DEPDC7: variants seen among roughly 807,000 people sequenced by gnomAD.
DEPDC7 encodes DEP domain-containing protein 7.
A neutral mutation model predicts 56.6 loss-of-function variants in DEPDC7; 41 were observed. The ratio of observed to expected loss-of-function variants is 0.72; its 90% CI spans 0.56 to 0.94. DEPDC7 has a LOEUF of 0.94. Among genes scored for constraint, DEPDC7 ranks in the 40% least tolerant of loss-of-function variants. The pLI is 0.00. For missense variants in DEPDC7, 522 were observed against 596.3 expected (o/e 0.88, Z 1.30); for synonymous variants, 185 against 208.8 (o/e 0.89, Z 0.98).
Position 33,025,681 on chromosome 11 carries a change from A to G in DEPDC7, c.96A>G (p.Pro32=), listed in dbSNP as rs1338411194. Residue 32 remains proline, a synonymous_variant, in exon 2 of 9, where the codon CCA becomes CCG. Coordinates refer to ENST00000241051, the MANE Select transcript of DEPDC7 (RefSeq NM_001077242.2). The part of the protein sequence containing the change: ...RPPGFSVAQK[P]FGATYVWSSI... ...TAGGTTTCAGTGTAGCTCAGAAGCC[A>G]TTTGGAGCCACGTATGTATGGAGCA... 2 of 1,608,192 alleles carry G rather than the reference A, an allele frequency of 1.2e-6. No homozygotes were observed. Among genetic ancestry groups the G allele is most frequent in the African/African-American group, 1.3e-5 (1 of 74,808 alleles).
intron 2 of DEPDC7, chr11:33,026,689 T>C (rs1853581445): frequency 6.5e-6 from 1 of 153,974 alleles, no homozygotes; most frequent in African/African-American, 2.4e-5. Context: ...GCTCACTGCA[T>C]TGTCTGCCTT....
intron 1 of DEPDC7, among the ~76,000 whole-genome samples, chr11:33,024,576 A>G (rs1041583694): frequency 2.6e-5 from 4 of 152,180 alleles, no homozygotes; most frequent in African/African-American, 9.7e-5. Context: ...CCTGCTACAC[A>G]CCTAGGCTAT....
intron 1 of DEPDC7, among the ~76,000 whole-genome samples, chr11:33,021,449 A>G (rs1173066668): frequency 6.6e-6 from 1 of 152,184 alleles, no homozygotes; most frequent in Non-Finnish European, 1.5e-5. Context: ...TTTAGAAATC[A>G]CAGTAAGTCA....
Position 33,015,899 on chromosome 11 carries a change from A to G in DEPDC7, c.-57A>G, listed in dbSNP as rs1371118385. The G allele has an allele frequency of 1.3e-6, 2 of 1,505,670 alleles. No individual in the cohort carries two copies. The highest frequency in any genetic ancestry group is 2.1e-5 in the Admixed American group (1 of 48,218). 93.3% of individuals were successfully genotyped at this position (1,505,670 alleles called of 1,614,324 possible). On this transcript the variant is annotated 5_prime_UTR_variant, in exon 1 of 9. Transcript: ENST00000241051. Reference sequence around the variant, plus strand: ...CCGCACAGTTAACAGACGGGCGCTCAGGGAGCTAGGGAGCTGTGAAGCTGC... The same window carrying G: ...CCGCACAGTTAACAGACGGGCGCTCGGGGAGCTAGGGAGCTGTGAAGCTGC...
At chr11:33,027,984 A>G in intron 3 of DEPDC7, 171 bp downstream of exon 3, 1 of 595,372 alleles carries the variant, frequency 1.7e-6, no homozygotes, top group East Asian at 3.6e-5. Context: ...TATCTTTAAC[A>G]AATAGATCAG....
chr11:33,032,538 A>G (rs1853644074), intron 6 of DEPDC7, 60 bp downstream of exon 6: 2 of 1,456,006 alleles, frequency 1.4e-6, no homozygotes, highest in South Asian at 2.8e-5. Flanking sequence ...CAGGTTAAGT[A>G]TTAGATTATT....
Position 33,031,567 on chromosome 11 carries a change from TA to T in DEPDC7, c.974del (p.Asn325MetfsTer7). 6.2e-7 allele frequency: 1 copy of T among 1,613,352 alleles called. No homozygotes were observed. Among genetic ancestry groups the T allele is most frequent in the Non-Finnish European group, 8.5e-7 (1 of 1,179,246 alleles). On this transcript the variant is annotated frameshift_variant, in exon 5 of 9. Transcript: ENST00000241051. LOFTEE classifies it high-confidence loss of function. ...TGTTAAATCACTTATCTGACGTTCA[TA>T]ATGGAATTGCAGAACTCTTAGGTAA... ...PLLNHLSDVH[N>X]GIAELLVNGK...
Position 33,031,604 on chromosome 11 carries a change from A to T in DEPDC7, c.994+15A>T, listed in dbSNP as rs1434676134. On this transcript the variant is annotated intron_variant, in intron 5 of 8. Coordinates refer to ENST00000241051, the MANE Select transcript of DEPDC7 (RefSeq NM_001077242.2). ...AGAACTCTTAGGTAAGTAAGATCTA[A>T]CTGGATACTAGCATTTATCTTTTGG... The T allele has an allele frequency of 6.3e-7, 1 of 1,583,736 alleles. No homozygotes were observed. The highest frequency in any genetic ancestry group is 1.1e-5 in the South Asian group (1 of 90,488).
chr11:33,027,222 T>A (rs1251082401), intron 2 of DEPDC7, among the ~76,000 whole-genome samples: 1 of 152,196 alleles, frequency 6.6e-6, no homozygotes, highest in Non-Finnish European at 1.5e-5. Flanking sequence ...CCGGGATAAA[T>A]TAAAGCTATC....
chr11:33,020,267 A>G (rs934718293), intron 1 of DEPDC7, among the ~76,000 whole-genome samples: 1 of 152,170 alleles, frequency 6.6e-6, no homozygotes, highest in African/African-American at 2.4e-5. Flanking sequence ...CTGGTACTAC[A>G]CGTATATATA....
At chr11:33,020,323 C>T (rs1242394994) in intron 1 of DEPDC7, among the ~76,000 whole-genome samples, 3 of 152,020 alleles carry the variant, frequency 2.0e-5, no homozygotes, top group East Asian at 3.8e-4. Context: ...TTTTGGTAAA[C>T]GTTTTTTATG....
intron 1 of DEPDC7, among the ~76,000 whole-genome samples, chr11:33,018,776 T>A (rs1386999974): frequency 6.6e-6 from 1 of 152,238 alleles, no homozygotes; most frequent in Non-Finnish European, 1.5e-5. Context: ...TCCCTTGGTG[T>A]TTGCCTAATG....
intron 1 of DEPDC7, among the ~76,000 whole-genome samples, chr11:33,017,588 G>A (rs1317247091): frequency 6.6e-6 from 1 of 152,140 alleles, no homozygotes; most frequent in Non-Finnish European, 1.5e-5. Context: ...GCTTGCTACC[G>A]CTGGAATCCC....
At chr11:33,032,285 A>G in intron 5 of DEPDC7, 51 bp from the exon 6 acceptor site, 2 of 1,489,574 alleles carry the variant, frequency 1.3e-6, no homozygotes, top group African/African-American at 2.9e-5. Flanking sequence ...TGTTCCCTTT[A>G]ATATAGTCAT....
In DEPDC7 at chr11:33,025,718, A is replaced by G; in HGVS notation, c.133A>G (p.Thr45Ala). Residue 45 changes from threonine (T) to alanine (A), a missense_variant, in exon 2 of 9, where the codon ACT becomes GCT. By Grantham distance (58) the Thr-to-Ala change is moderately conservative. Coordinates refer to ENST00000241051, the MANE Select transcript of DEPDC7 (RefSeq NM_001077242.2). ...ATYVWSSIIN[T>A]LQTQVEVKKR... ...GTATGTATGGAGCAGCATCATAAAC[A>G]CTCTTCAAACACAAGTGGAAGTGAA... 1 of 1,614,112 alleles carries G rather than the reference A, an allele frequency of 6.2e-7. No homozygotes were observed. Among genetic ancestry groups the G allele is most frequent in the Non-Finnish European group, 8.5e-7 (1 of 1,179,980 alleles).
chr11:33,028,732 C>G lies in DEPDC7; in HGVS notation c.722C>G (p.Thr241Ser). The G allele has an allele frequency of 3.1e-6, 5 of 1,613,876 alleles. No individual in the cohort carries two copies. The highest frequency in any genetic ancestry group is 4.2e-6 in the Non-Finnish European group (5 of 1,179,968). The change falls in exon 4 of 9, where the codon ACC (threonine) becomes AGC (serine). Residue 241 changes from threonine to serine, a missense_variant. Coordinates refer to ENST00000241051, the MANE Select transcript of DEPDC7 (RefSeq NM_001077242.2). ...ATTCCTCAACCTAAGAGGCAGTCCA[C>G]CATGGTCAACAGCAGTAACTATCTG... ...PKIPQPKRQS[T>S]MVNSSNYLDR...
chr11:33,032,839 T>G, intron 7 of DEPDC7, 46 bp downstream of exon 7: 1 of 1,580,054 alleles, frequency 6.3e-7, no homozygotes, highest in Admixed American at 1.9e-5. Flanking sequence ...AATAGATCAC[T>G]AGATTAAAAT....
At chr11:33,019,197 C>T (rs763169486) in intron 1 of DEPDC7, among the ~76,000 whole-genome samples, 4 of 152,106 alleles carry the variant, frequency 2.6e-5, no homozygotes, top group Non-Finnish European at 4.4e-5. Flanking sequence ...GCACTACTGA[C>T]GTTTTCTTTG....
chr11:33,026,085 G>A (rs1214564321), intron 2 of DEPDC7, 36 bp downstream of exon 2: 23 of 1,610,522 alleles, frequency 1.4e-5, no homozygotes, highest in Non-Finnish European at 2.0e-5. Context: ...CGGGAATATT[G>A]GCAGGATTTT....
Sources: allele counts gnomAD v4.1 joint callset (sites outside exome capture counted in the v4.1 genomes callset), GRCh38; gene constraint gnomAD v4.1.1; transcripts MANE v1.5; gene names NCBI Gene and HGNC (gene_info 2026-07-23, HGNC 2026-07-21).